CNIH3: variants seen among roughly 807,000 people sequenced by gnomAD.
CNIH3 encodes the protein cornichon family AMPA receptor auxiliary protein 3.
Under a neutral mutation model 24.1 loss-of-function variants are expected in CNIH3, and 14 were observed. The ratio of observed to expected loss-of-function variants is 0.58; its 90% CI spans 0.38 to 0.91. CNIH3 has a LOEUF of 0.91. Ranked by LOEUF, CNIH3 falls within the 40% of genes least tolerant of loss-of-function variation. CNIH3 has a pLI of 0.00. For synonymous variants in CNIH3, 68 were observed against 73.8 expected (o/e 0.92, Z 0.40); for missense variants, 178 against 196.8 (o/e 0.90, Z 0.57).
chr1:224,677,787 T>A (rs1458463998), intron 1 of CNIH3, among the ~76,000 whole-genome samples: 3 of 152,058 alleles, frequency 2.0e-5, no homozygotes, highest in Admixed American at 2.0e-4. Flanking sequence ...AGGACTGGGG[T>A]TGGGGATTGT....
At chr1:224,630,693 A>T (rs964773018) in intron 1 of CNIH3, among the ~76,000 whole-genome samples, 1 of 152,154 alleles carries the variant, frequency 6.6e-6, no homozygotes, top group Non-Finnish European at 1.5e-5. Flanking sequence ...GGAACAATTA[A>T]TCACACATTT....
chr1:224,574,495 G>T (rs1680951376), intron 4 of CNIH3: 10 of 664,454 alleles, frequency 1.5e-5, no homozygotes, highest in Non-Finnish European at 8.3e-6. Flanking sequence ...CTAGGCACCT[G>T]GAATTCCCCT....
Position 224,458,644 on chromosome 1 carries a change from A to T in CNIH3, n.203+23782A>T, listed in dbSNP as rs866586702. 5.9e-5 allele frequency among the ~76,000 whole-genome samples: 9 copies of T among 152,210 alleles called. 1 individual carries two copies. Among genetic ancestry groups the T allele is most frequent in the Non-Finnish European group, 1.0e-4 (7 of 68,044 alleles). On this transcript the variant is annotated intron_variant and non_coding_transcript_variant, in intron 1 of 5. Transcript: ENST00000471578. The surrounding 1 kb of genome is among the most constrained non-coding windows in gnomAD (Gnocchi z 4.3). ...TACTCCCCCTAATGATAACATACTGAACTCACTTTTATGAATTTGTTGAGA... is the reference window on the plus strand; with the variant it reads ...TACTCCCCCTAATGATAACATACTGTACTCACTTTTATGAATTTGTTGAGA...
chr1:224,648,964 G>A (rs370116046), intron 1 of CNIH3, among the ~76,000 whole-genome samples: 1 of 152,280 alleles, frequency 6.6e-6, no homozygotes, highest in African/African-American at 2.4e-5. Context: ...ACCACCCTTT[G>A]TTCCCAGAAT....
At chr1:224,705,850 C>A (rs961574861) in intron 3 of CNIH3, among the ~76,000 whole-genome samples, 1 of 90,226 alleles carries the variant, frequency 1.1e-5, no homozygotes, top group Non-Finnish European at 2.4e-5. Context: ...TCTTTCTTTT[C>A]TTTTTTTTCT....
intron 3 of CNIH3, among the ~76,000 whole-genome samples, chr1:224,561,844 T>C (rs1441191980): frequency 6.6e-6 from 1 of 152,176 alleles, no homozygotes; most frequent in Non-Finnish European, 1.5e-5. Flanking sequence ...GAGTAGAACC[T>C]AGAATAAGAG....
At chr1:224,453,692 C>T (rs1417953201) in intron 1 of CNIH3, among the ~76,000 whole-genome samples, 1 of 151,158 alleles carries the variant, frequency 6.6e-6, no homozygotes, top group Non-Finnish European at 1.5e-5. Context: ...ATGCAGAGTG[C>T]AGGCTATTCA....
chr1:224,679,032 T>G (rs1432425666), intron 1 of CNIH3, among the ~76,000 whole-genome samples: 1 of 152,192 alleles, frequency 6.6e-6, no homozygotes, highest in Non-Finnish European at 1.5e-5. Flanking sequence ...TATATTCCAA[T>G]AAACCTTTAT....
chr1:224,517,868 A>C (rs531414560), intron 1 of CNIH3, among the ~76,000 whole-genome samples: 20 of 152,176 alleles, frequency 1.3e-4, no homozygotes, highest in Non-Finnish European at 2.2e-4. Context: ...GGATGTTATT[A>C]CTGCCAACCC....
intron 1 of CNIH3, among the ~76,000 whole-genome samples, chr1:224,507,957 A>G (rs894913163): frequency 2.6e-5 from 4 of 152,174 alleles, no homozygotes; most frequent in African/African-American, 9.6e-5. Flanking sequence ...ACGCTAGACA[A>G]CTCCTCATTG....
At chr1:224,462,454 C>T (rs149481560) in intron 1 of CNIH3, among the ~76,000 whole-genome samples, 31 of 152,260 alleles carry the variant, frequency 2.0e-4, no homozygotes, top group African/African-American at 7.2e-4. Context: ...CTGTCTCAGC[C>T]TCCTGAGTAG....
chr1:224,472,044 C>A (rs972440753), intron 1 of CNIH3, among the ~76,000 whole-genome samples: 1 of 152,124 alleles, frequency 6.6e-6, no homozygotes, highest in Non-Finnish European at 1.5e-5. Context: ...GATATCTCTT[C>A]GATATACTGA....
At chr1:224,470,317 C>CTT (rs1328534764) in intron 1 of CNIH3, among the ~76,000 whole-genome samples, 4 of 134,306 alleles carry the variant, frequency 3.0e-5, no homozygotes, top group African/African-American at 2.7e-5. Context: ...TGTGCCTGGC[C>CTT]TTTTTTTTTT....
intron 2 of CNIH3, among the ~76,000 whole-genome samples, chr1:224,533,405 A>T (rs1679158142): frequency 6.7e-6 from 1 of 148,176 alleles, no homozygotes; most frequent in African/African-American, 2.5e-5. Flanking sequence ...AAAAAAAAAA[A>T]TCAGAGAGAG....
rs199958550 is a variant in CNIH3, at chr1:224,470,023, C to CT, written n.203+35173dup. Among the ~76,000 whole-genome samples, 297 of 144,900 alleles carry CT rather than the reference C, an allele frequency of 2.0e-3. 2 individuals are homozygous for CT. Among genetic ancestry groups the CT allele is most frequent in the East Asian group, 0.012 (62 of 4,994 alleles). ...CTTTCTTTCAGTTATTCTTCTTCTTCTTTTTTTTTTTTGGAGACAGAGTCT... is the reference window on the plus strand; with the variant it reads ...CTTTCTTTCAGTTATTCTTCTTCTTCTTTTTTTTTTTTTGGAGACAGAGTCT... On this transcript the variant is annotated intron_variant and non_coding_transcript_variant, in intron 1 of 5. Transcript: ENST00000471578.
intron 1 of CNIH3, among the ~76,000 whole-genome samples, chr1:224,438,087 T>C (rs34694337): frequency 6.6e-6 from 1 of 151,870 alleles, no homozygotes; most frequent in African/African-American, 2.4e-5. Flanking sequence ...TAATTTTTTG[T>C]ATTATTATTA....
At chr1:224,737,755 C>T (rs527300386) in intron 5 of CNIH3, among the ~76,000 whole-genome samples, 7 of 152,336 alleles carry the variant, frequency 4.6e-5, no homozygotes, top group Admixed American at 6.5e-5. Context: ...CAGGTCCCTG[C>T]TAATAATTAG....
At chr1:224,637,232 C>A (rs1043913014) in intron 1 of CNIH3, among the ~76,000 whole-genome samples, 1 of 152,124 alleles carries the variant, frequency 6.6e-6, no homozygotes, top group Non-Finnish European at 1.5e-5. Context: ...GGATTACAGG[C>A]GTGAACCACC....
chr1:224,555,785 T>G (rs1365113628), intron 3 of CNIH3, among the ~76,000 whole-genome samples: 2 of 152,324 alleles, frequency 1.3e-5, no homozygotes, highest in South Asian at 2.1e-4. Flanking sequence ...TTTTTTTTCC[T>G]CGGTCTCAAA....
Sources: gnomAD v4.1 joint callset for allele counts (sites outside exome capture counted in the v4.1 genomes callset) on GRCh38, gnomAD v4.1.1 for gene constraint, Gnocchi (gnomAD v3.1) non-coding constraint, MANE v1.5 for transcripts, NCBI Gene and HGNC (gene_info 2026-07-23, HGNC 2026-07-21) for gene names.